SP2: variants seen among roughly 807,000 people sequenced by gnomAD.
The protein encoded by SP2 is Sp2 transcription factor, also known as transcription factor Sp2.
A neutral mutation model predicts 50.1 loss-of-function variants in SP2; 9 were observed. The observed-to-expected ratio is 0.18, with a 90% CI of 0.11 to 0.31. SP2 has a LOEUF of 0.31. Ranked by LOEUF, SP2 falls within the 10% of genes least tolerant of loss-of-function variation. The pLI, the probability that SP2 is intolerant of heterozygous loss-of-function variation, is 1.00. For missense variants in SP2, 581 were observed against 806.5 expected (o/e 0.72, Z 3.39); for synonymous variants, 313 against 326.6 (o/e 0.96, Z 0.45).
Position 47,917,161 on chromosome 17 carries a change from C to T in SP2, c.1059+31C>T, listed in dbSNP as rs770757265. On this transcript the variant is annotated intron_variant, in intron 3 of 6. Transcript: ENST00000376741. ...ACACTCCCTGTACTGTCCTCCTTCT[C>T]CTCCTCTGGTTATCTCTTTTTGGCT... 4 of 1,554,214 alleles carry T rather than the reference C, an allele frequency of 2.6e-6. No individual in the cohort carries two copies. In the Admixed American group the frequency reaches 5.7e-5, roughly 22 times the overall value.
intron 1 of SP2, among the ~76,000 whole-genome samples, chr17:47,902,296 G>C (rs1028448476): frequency 6.6e-6 from 1 of 152,190 alleles, no homozygotes; most frequent in Non-Finnish European, 1.5e-5. Context: ...AGGTGAAAGA[G>C]GTTAGGTCAC....
rs761284201 is a variant in SP2, at chr17:47,916,361, A to G, written c.290A>G (p.Gln97Arg). The change falls in exon 3 of 7, where the codon CAG (glutamine) becomes CGG (arginine). Residue 97 changes from glutamine (Q) to arginine (R), a missense_variant. Physicochemically the swap from Gln to Arg is conservative, Grantham distance 43 (BLOSUM62 1). Transcript: ENST00000376741. The surrounding 1 kb of genome is among the most constrained non-coding windows in gnomAD (Gnocchi z 4.7). ...TCCAAAGGAAATATACTTCAGATTC[A>G]GGGGTCACAACTGAGCGCCTCCTAT... The part of the protein sequence containing the change: ...LSSKGNILQI[Q>R]GSQLSASYPG... The G allele has an allele frequency of 1.2e-6, 2 of 1,614,136 alleles. No homozygotes were observed. The highest frequency in any genetic ancestry group is 2.2e-5 in the South Asian group (2 of 91,082).
chr17:47,903,554 C>A (rs565786886), intron 1 of SP2, among the ~76,000 whole-genome samples: 3 of 152,256 alleles, frequency 2.0e-5, no homozygotes, highest in East Asian at 3.9e-4. Context: ...GTAATCCCAG[C>A]TACCTGGGAG....
Position 47,916,422 on chromosome 17 carries a change from C to T in SP2, c.351C>T (p.Pro117=), listed in dbSNP as rs757289176. Residue 117 remains proline (P), a synonymous_variant, in exon 3 of 7, where the codon CCC becomes CCT. Coordinates refer to ENST00000376741, the MANE Select transcript of SP2 (RefSeq NM_003110.6). The surrounding 1 kb of genome is among the most constrained non-coding windows in gnomAD (Gnocchi z 4.7). ...AGCTGGTGTTCGCTATCCAGAATCC[C>T]ACCATGATCAACAAAGGGACCCGAT... ...GGQLVFAIQN[P]TMINKGTRSN... The T allele has an allele frequency of 1.2e-6, 2 of 1,614,150 alleles. No individual in the cohort carries two copies. Among genetic ancestry groups the T allele is most frequent in the South Asian group, 1.1e-5 (1 of 91,088 alleles).
chr17:47,915,230 GAAA>G, intron 1 of SP2, 79 bp from the exon 2 acceptor site: 1 of 963,778 alleles, frequency 1.0e-6, no homozygotes, highest in Non-Finnish European at 1.5e-6. Context: ...AAAAAAAATA[GAAA>G]AAAAGAAAAT....
intron 1 of SP2, chr17:47,898,565 G>T (rs897699439): frequency 2.0e-5 from 3 of 152,152 alleles, no homozygotes; most frequent in African/African-American, 7.2e-5. Flanking sequence ...TTCTGTGATA[G>T]ATATGTATAA....
chr17:47,930,247 T>A (rs1411485208), downstream of SP2, among the ~76,000 whole-genome samples: 1 of 152,206 alleles, frequency 6.6e-6, no homozygotes, highest in Admixed American at 6.5e-5. Flanking sequence ...GCATTCTGAA[T>A]AAGGGGATTG....
chr17:47,930,579 A>G (rs555787879), downstream of SP2, among the ~76,000 whole-genome samples: 1 of 152,352 alleles, frequency 6.6e-6, no homozygotes, highest in South Asian at 2.1e-4. Flanking sequence ...GAGTGATGGC[A>G]CAAGGAAAGC....
chr17:47,928,175 C>T lies in SP2; in HGVS notation c.*351C>T, dbSNP rs758644752. ...CAAAGTGAGCCCCTACCCCCCACCCCGATCCCCGCTCCCAACACTGCCGGA... is the reference window on the plus strand; with the variant it reads ...CAAAGTGAGCCCCTACCCCCCACCCTGATCCCCGCTCCCAACACTGCCGGA... On this transcript the variant is annotated 3_prime_UTR_variant, in exon 7 of 7. Coordinates refer to ENST00000376741, the MANE Select transcript of SP2 (RefSeq NM_003110.6). The T allele has an allele frequency of 2.0e-5, 4 of 200,666 alleles. No homozygotes were observed. In the Admixed American group the frequency reaches 2.3e-4, roughly 11 times the overall value. 12.4% of individuals were successfully genotyped at this position (200,666 alleles called of 1,614,324 possible).
chr17:47,925,905 C>CTTTTTTTTTTTTTTTTTTTTTTTT (rs71141942), intron 6 of SP2, among the ~76,000 whole-genome samples: 2 of 84,424 alleles, frequency 2.4e-5, no homozygotes, highest in African/African-American at 9.6e-5. Context: ...TTGTTTATGC[C>CTTTTTTTTTTTTTTTTTTTTTTTT]TTTTTTTTTT....
intron 3 of SP2, among the ~76,000 whole-genome samples, chr17:47,919,033 A>G (rs143508592): frequency 6.6e-6 from 1 of 152,318 alleles, no homozygotes; most frequent in African/African-American, 2.4e-5. Flanking sequence ...ACGCATACAC[A>G]CACACACACA....
At chr17:47,921,531 C>T (rs1450464921) in intron 3 of SP2, among the ~76,000 whole-genome samples, 3 of 152,198 alleles carry the variant, frequency 2.0e-5, no homozygotes, top group African/African-American at 4.8e-5. Flanking sequence ...GGATTACAGG[C>T]GTGAACTACT....
chr17:47,916,784 C>A lies in SP2; in HGVS notation c.713C>A (p.Thr238Asn), dbSNP rs890922662. The change falls in exon 3 of 7, where the codon ACC becomes AAC. Residue 238 changes from threonine (T) to asparagine (N), a missense_variant. Thr to Asn is a moderately conservative substitution (Grantham distance 65). This residue lies in a region of SP2 where 397 missense variants were observed against 491.0 expected (regional missense o/e 0.81). Coordinates refer to ENST00000376741, the MANE Select transcript of SP2 (RefSeq NM_003110.6). The surrounding 1 kb of genome is among the most constrained non-coding windows in gnomAD (Gnocchi z 4.7). The stretch of plus-strand genomic sequence containing the variant: ...CAGCTCCTCACTGAAAGCCCCCCAA[C>A]CCCGCTGTCTAAGACTAACAAGAAA... ...PTQLLTESPP[T>N]PLSKTNKKAR... 2 of 1,613,868 alleles carry A rather than the reference C, an allele frequency of 1.2e-6. No homozygotes were observed. The highest frequency in any genetic ancestry group is 2.7e-5 in the African/African-American group (2 of 74,934).
At chr17:47,925,905 C>CTTTTTTTTTTTTTTTTT (rs71141942) in intron 6 of SP2, among the ~76,000 whole-genome samples, 1 of 84,442 alleles carries the variant, frequency 1.2e-5, no homozygotes, top group African/African-American at 4.8e-5. Context: ...TTGTTTATGC[C>CTTTTTTTTTTTTTTTTT]TTTTTTTTTT....
chr17:47,916,073 G>A lies in SP2; in HGVS notation c.85-83G>A, dbSNP rs139266184. 65 of 1,500,290 alleles carry A rather than the reference G, an allele frequency of 4.3e-5. No individual in the cohort carries two copies. Among genetic ancestry groups the A allele is most frequent in the Non-Finnish European group, 5.4e-5 (61 of 1,119,792 alleles). The allele number at this position is 1,500,290 out of a possible 1,614,324, so 92.9% of individuals were successfully genotyped here. ...GTGGGGAAGACTGGCGTGGAATGCC[G>A]CCAGGAGGAGAGGATCATGGACAGA... On this transcript the variant is annotated intron_variant, in intron 2 of 6. Coordinates refer to ENST00000376741, the MANE Select transcript of SP2 (RefSeq NM_003110.6). The surrounding 1 kb of genome is among the most constrained non-coding windows in gnomAD (Gnocchi z 4.7).
At chr17:47,918,672 A>G (rs1414933633) in intron 3 of SP2, 1 of 152,204 alleles carries the variant, frequency 6.6e-6, no homozygotes, top group African/African-American at 2.4e-5. Flanking sequence ...TTATTATACA[A>G]CTGATACCTT....
At position 47,922,948 on chromosome 17, in the gene SP2, C is replaced by T. The variant is rs1167382975; in HGVS notation, c.1060-14C>T. ...TCTTCCAGGCACTGATTTTTTTTCTCTGGCCCCTCCCAGGTCTACATCCGC... is the reference window on the plus strand; with the variant it reads ...TCTTCCAGGCACTGATTTTTTTTCTTTGGCCCCTCCCAGGTCTACATCCGC... On this transcript the variant is annotated splice_polypyrimidine_tract_variant and intron_variant, in intron 3 of 6. Coordinates refer to ENST00000376741, the MANE Select transcript of SP2 (RefSeq NM_003110.6). 14 of 1,589,804 alleles carry T rather than the reference C, an allele frequency of 8.8e-6. No homozygotes were observed. The Admixed American group carries it at 1.2e-4, about 14-fold the overall frequency.
chr17:47,919,514 A>G (rs2035349525), intron 3 of SP2, among the ~76,000 whole-genome samples: 1 of 152,200 alleles, frequency 6.6e-6, no homozygotes, highest in Non-Finnish European at 1.5e-5. Context: ...CCCAAATCAA[A>G]ATCACAACAG....
downstream of SP2, chr17:47,929,000 G>A (rs1192707076): frequency 6.6e-6 from 1 of 152,592 alleles, no homozygotes; most frequent in Non-Finnish European, 1.5e-5. Flanking sequence ...TGGAGAGCTC[G>A]GAGAGGGGAC....
Sources: gnomAD v4.1 joint callset for allele counts (sites outside exome capture counted in the v4.1 genomes callset) on GRCh38, gnomAD v4.1.1 for gene constraint, gnomAD v4.1.1 regional missense constraint, Gnocchi (gnomAD v3.1) non-coding constraint, MANE v1.5 for transcripts, NCBI Gene and HGNC (gene_info 2026-07-23, HGNC 2026-07-21) for gene names.